Variants in DCLK2 observed in about 807,000 individuals in gnomAD.
DCLK2 encodes the protein serine/threonine-protein kinase DCLK2.
DCLK2 carries 31 observed loss-of-function variants against 78.4 expected under a neutral mutation model. The observed-to-expected ratio is 0.40, with a 90% CI of 0.30 to 0.53. The LOEUF is 0.53. DCLK2 is among the 20% of genes least tolerant of loss of function. The pLI is 0.61. For synonymous variants in DCLK2, 407 were observed against 374.9 expected, an observed-to-expected ratio of 1.09 and a Z score of -0.99; for missense variants, 872 against 973.7, an observed-to-expected ratio of 0.90 and a Z score of 1.39.
chr4:150,098,831 G>T (rs547166425), intron 1 of DCLK2, among the ~76,000 whole-genome samples: 26 of 151,972 alleles, frequency 1.7e-4, no homozygotes, highest in African/African-American at 6.3e-4. Context: ...GAGTAGCTGG[G>T]ATTACAGGCG....
intron 2 of DCLK2, among the ~76,000 whole-genome samples, chr4:150,175,209 A>ATAATT: frequency 8.7e-6 from 1 of 115,176 alleles, no homozygotes; most frequent in Non-Finnish European, 1.7e-5. Flanking sequence ...ATATATTTAT[A>ATAATT]TATATTTATC....
At chr4:150,250,757 G>A (rs2126633364) in intron 15 of DCLK2, among the ~76,000 whole-genome samples, 2 of 151,734 alleles carry the variant, frequency 1.3e-5, no homozygotes, top group East Asian at 1.9e-4. Flanking sequence ...AAGGGAAACA[G>A]TGGCATATTC....
intron 15 of DCLK2, among the ~76,000 whole-genome samples, chr4:150,255,276 G>A (rs993972539): frequency 6.6e-6 from 1 of 152,224 alleles, no homozygotes; most frequent in Non-Finnish European, 1.5e-5. Flanking sequence ...AGCCCATTGA[G>A]ATGGCAGCTT....
chr4:150,205,573 C>T (rs12374344), intron 5 of DCLK2, among the ~76,000 whole-genome samples: 34,114 of 152,090 alleles, frequency 0.22, 4,014 homozygotes, highest in Non-Finnish European at 0.27. Context: ...AATGTGATTT[C>T]AGTGGACTTT....
At chr4:150,141,595 C>A (rs568112639) in intron 2 of DCLK2, among the ~76,000 whole-genome samples, 87 of 152,258 alleles carry the variant, frequency 5.7e-4, no homozygotes, top group African/African-American at 1.9e-3. Flanking sequence ...TGGGAATATT[C>A]ATTGTCACTT....
rs142672625 is a variant in DCLK2 at position 150,114,515 on chromosome 4, C to G, written c.756+11703C>G. Reference sequence around the variant, plus strand: ...ATAGGCCCTGTGAGTTTTATGCTGTCAAGAGGTTCTATTATGGGGTGTGTT... The same window carrying G: ...ATAGGCCCTGTGAGTTTTATGCTGTGAAGAGGTTCTATTATGGGGTGTGTT... On this transcript the variant is annotated intron_variant, in intron 2 of 15. Transcript: ENST00000296550. Among the ~76,000 whole-genome samples the G allele has an allele frequency of 3.4e-3, 511 of 152,240 alleles. 4 individuals carry two copies. The highest frequency in any genetic ancestry group is 0.011 in the African/African-American group (442 of 41,540).
chr4:150,228,391 C>T (rs969805585), intron 8 of DCLK2, among the ~76,000 whole-genome samples: 2 of 152,192 alleles, frequency 1.3e-5, no homozygotes, highest in African/African-American at 2.4e-5. Flanking sequence ...ACACAGACAC[C>T]AGCTGTGAAG....
intron 8 of DCLK2, among the ~76,000 whole-genome samples, chr4:150,230,876 A>T (rs1741997685): frequency 2.6e-5 from 4 of 152,082 alleles, no homozygotes; most frequent in African/African-American, 9.7e-5. Flanking sequence ...CATTCTTCAG[A>T]TTTTGAAGCG....
intron 2 of DCLK2, among the ~76,000 whole-genome samples, chr4:150,116,167 T>TC (rs1002110385): frequency 4.6e-5 from 7 of 152,308 alleles, no homozygotes; most frequent in African/African-American, 1.4e-4. Context: ...TGGAGGGCAC[T>TC]CCTCCTGTGG....
chr4:150,189,895 A>G (rs768388150), intron 2 of DCLK2, among the ~76,000 whole-genome samples: 1 of 151,838 alleles, frequency 6.6e-6, no homozygotes, highest in Non-Finnish European at 1.5e-5. Context: ...AGGTCAGGAC[A>G]CTAAAGGGTG....
At chr4:150,143,687 T>C (rs1205886795) in intron 2 of DCLK2, among the ~76,000 whole-genome samples, 1 of 152,180 alleles carries the variant, frequency 6.6e-6, no homozygotes, top group Non-Finnish European at 1.5e-5. Context: ...TGTATAAGCC[T>C]TCCCTTTTCT....
At chr4:150,163,043 G>A (rs922340182) in intron 2 of DCLK2, among the ~76,000 whole-genome samples, 4 of 152,114 alleles carry the variant, frequency 2.6e-5, no homozygotes, top group Non-Finnish European at 5.9e-5. Context: ...TTGGCAAAAC[G>A]ACAGTTGGTT....
chr4:150,228,188 T>C (rs1741760359), intron 8 of DCLK2, among the ~76,000 whole-genome samples: 1 of 152,238 alleles, frequency 6.6e-6, no homozygotes, highest in Non-Finnish European at 1.5e-5. Flanking sequence ...ATCTCTCCAC[T>C]GCAGAACCCT....
chr4:150,167,842 T>A (rs1436868053), intron 2 of DCLK2, among the ~76,000 whole-genome samples: 1 of 151,654 alleles, frequency 6.6e-6, no homozygotes, highest in Middle Eastern at 3.2e-3. Flanking sequence ...AATGGCAGAG[T>A]TTAACTGGTA....
At chr4:150,175,223 A>G (rs974746189) in intron 2 of DCLK2, among the ~76,000 whole-genome samples, 12 of 125,378 alleles carry the variant, frequency 9.6e-5, no homozygotes, top group Admixed American at 8.7e-5. Flanking sequence ...ATTTATCTAT[A>G]TATATTTATA....
chr4:150,097,685 T>C (rs1298474122), intron 1 of DCLK2, among the ~76,000 whole-genome samples: 2 of 152,214 alleles, frequency 1.3e-5, no homozygotes, highest in African/African-American at 2.4e-5. Flanking sequence ...AAGAGTCTTA[T>C]AGGATATTGA....
At position 150,131,605 on chromosome 4, in the gene DCLK2, G is replaced by T. The variant is rs1359926923; in HGVS notation, c.756+28793G>T. ...GGGGTCCCCTCTTAATGTTGAATTG[G>T]CTGTCTTATTTGAGCCTGGGACAAT... On this transcript the variant is annotated intron_variant, in intron 2 of 15. Coordinates refer to ENST00000296550, the MANE Select transcript of DCLK2 (RefSeq NM_001040260.4). 4.6e-5 allele frequency among the ~76,000 whole-genome samples: 7 copies of T among 152,090 alleles called. 1 individual carries two copies. Among genetic ancestry groups the T allele is most frequent in the Admixed American group, 4.6e-4 (7 of 15,274 alleles).
intron 2 of DCLK2, among the ~76,000 whole-genome samples, chr4:150,138,956 G>A (rs185380109): frequency 1.3e-5 from 2 of 151,596 alleles, no homozygotes; most frequent in Admixed American, 6.6e-5. Flanking sequence ...GAGCCACGGC[G>A]CCTGGCCCAT....
chr4:150,078,730 T>G lies in DCLK2; in HGVS notation c.-298T>G. 3.9e-6 allele frequency: 1 copy of G among 255,508 alleles called. No homozygotes were observed. Among genetic ancestry groups the G allele is most frequent in the Non-Finnish European group, 7.4e-6 (1 of 135,466 alleles). 15.8% of individuals were successfully genotyped at this position (255,508 alleles called of 1,614,324 possible). On this transcript the variant is annotated 5_prime_UTR_variant, in exon 1 of 16. Coordinates refer to ENST00000296550, the MANE Select transcript of DCLK2 (RefSeq NM_001040260.4). ...GCTCCCGAGCGGGACTTGTGAGGCG[T>G]GGCCGGGTGGAGGAGGCGCTTGCGG... is the stretch of plus-strand genomic sequence containing the variant.
Sources: gnomAD v4.1 joint callset for allele counts (sites outside exome capture counted in the v4.1 genomes callset) on GRCh38, gnomAD v4.1.1 for gene constraint, MANE v1.5 for transcripts, NCBI Gene and HGNC (gene_info 2026-07-23, HGNC 2026-07-21) for gene names.